The following PHF2 variants were observed in gnomAD, a reference collection of about 807,000 sequenced individuals.
The protein encoded by PHF2 is PHD finger protein 2.
In PHF2, 27 loss-of-function variants were observed where a neutral mutation model predicts 120.5. That is an observed-to-expected ratio of 0.22 (90% CI 0.17 to 0.31). The LOEUF is 0.31. PHF2 is among the 10% of genes least tolerant of loss of function. The probability of loss-of-function intolerance (pLI) is 1.00; values close to 1 mark genes in which losing one functional copy is unlikely to be tolerated. For synonymous variants in PHF2, 568 were observed against 592.5 expected (o/e 0.96, Z 0.60); for missense variants, 1,024 against 1,434.8 (o/e 0.71, Z 4.63).
intron 1 of PHF2, among the ~76,000 whole-genome samples, chr9:93,625,542 G>T (rs12376195): frequency 1.5e-5 from 2 of 136,314 alleles, no homozygotes; most frequent in African/African-American, 5.8e-5. Flanking sequence ...CAGTGGCACA[G>T]TCTCGGCTCA....
intron 1 of PHF2, among the ~76,000 whole-genome samples, chr9:93,628,793 A>G (rs961428249): frequency 2.0e-5 from 3 of 152,150 alleles, no homozygotes; most frequent in Admixed American, 2.0e-4. Context: ...TGTTTGCTGC[A>G]TTCTTCTTGT....
intron 19 of PHF2, 95 bp downstream of exon 19, chr9:93,675,117 C>T: frequency 2.0e-6 from 2 of 975,676 alleles, no homozygotes; most frequent in Non-Finnish European, 3.2e-6. Flanking sequence ...AATGTGGGCT[C>T]AGCTCTGCAC....
At chr9:93,593,770 T>G (rs1421787421) in intron 1 of PHF2, among the ~76,000 whole-genome samples, 1 of 152,230 alleles carries the variant, frequency 6.6e-6, no homozygotes, top group Non-Finnish European at 1.5e-5. Flanking sequence ...GGGATATCTT[T>G]ATGATGATAT....
Position 93,610,083 on chromosome 9 carries a change from G to A in PHF2, c.99-19887G>A, listed in dbSNP as rs1053905220. On this transcript the variant is annotated intron_variant, in intron 1 of 21. Transcript: ENST00000359246. ...TGCCTAGGTGTAGATTTTTTTTTGC[G>A]GGGAGGCTTATATCCTGCTTGGTAT... 7.3e-5 allele frequency among the ~76,000 whole-genome samples: 11 copies of A among 151,464 alleles called. No homozygotes were observed. In the East Asian group the frequency reaches 1.2e-3, roughly 16 times the overall value.
At chr9:93,645,430 G>T (rs938803750) in intron 3 of PHF2, among the ~76,000 whole-genome samples, 199 bp from the exon 4 acceptor site, 5 of 152,226 alleles carry the variant, frequency 3.3e-5, no homozygotes, top group Non-Finnish European at 7.3e-5. Context: ...AAACAGTGGG[G>T]TTCTGGAGTC....
chr9:93,609,554 T>G (rs1476314395), intron 1 of PHF2, among the ~76,000 whole-genome samples: 1 of 132,232 alleles, frequency 7.6e-6, no homozygotes, highest in Non-Finnish European at 1.6e-5. Context: ...TCTAGGTTGG[T>G]TTTTTTTTTT....
chr9:93,603,997 G>A (rs552607931), intron 1 of PHF2, among the ~76,000 whole-genome samples: 6 of 152,220 alleles, frequency 3.9e-5, no homozygotes, highest in Non-Finnish European at 7.3e-5. Flanking sequence ...GTCAGGAGAC[G>A]GCAGTGTGTG....
chr9:93,629,824 A>C, intron 1 of PHF2, 146 bp from the exon 2 acceptor site: 1 of 742,492 alleles, frequency 1.3e-6, no homozygotes. Context: ...CTGCTTTCCT[A>C]GTAGAACACT....
intron 1 of PHF2, among the ~76,000 whole-genome samples, chr9:93,614,829 GAT>G: frequency 7.6e-6 from 1 of 130,824 alleles, no homozygotes; most frequent in South Asian, 3.7e-4. Flanking sequence ...TGGTAATGAC[GAT>G]GGTGGTGATG....
chr9:93,588,654 G>A (rs1260801858), intron 1 of PHF2, among the ~76,000 whole-genome samples: 1 of 152,214 alleles, frequency 6.6e-6, no homozygotes, highest in African/African-American at 2.4e-5. Flanking sequence ...CACTTTGGGA[G>A]GCTGAGGCAG....
At chr9:93,594,277 G>C (rs575881487) in intron 1 of PHF2, among the ~76,000 whole-genome samples, 1 of 152,250 alleles carries the variant, frequency 6.6e-6, no homozygotes, top group African/African-American at 2.4e-5. Flanking sequence ...GGGCCCCTGT[G>C]GGTGGACAGG....
At chr9:93,597,816 A>C (rs932397274) in intron 1 of PHF2, among the ~76,000 whole-genome samples, 4 of 152,154 alleles carry the variant, frequency 2.6e-5, no homozygotes, top group Non-Finnish European at 5.9e-5. Flanking sequence ...AGTGTTGGGA[A>C]GTATCTTATA....
chr9:93,676,863 GGCCCAGGCTGGCCGCACCTCCCA>G lies in PHF2; in HGVS notation c.3108_3130del (p.Gln1036HisfsTer126). The G allele has an allele frequency of 6.4e-7, 1 of 1,568,958 alleles. No homozygotes were observed. ...ACACAGCCGCTGGCACCTTCACCGG[GGCCCAGGCTGGCCGCACCTCCCA>G]GCCCATGGCCCCTGGGGTCTTTCTC... On this transcript the variant is annotated frameshift_variant, in exon 21 of 22. Coordinates refer to ENST00000359246, the MANE Select transcript of PHF2 (RefSeq NM_005392.4). LOFTEE classifies it high-confidence loss of function.
chr9:93,582,669 A>G (rs150063468), intron 1 of PHF2, among the ~76,000 whole-genome samples: 14 of 152,318 alleles, frequency 9.2e-5, no homozygotes, highest in African/African-American at 3.1e-4. Flanking sequence ...GGTCACTCAC[A>G]GAAGAACATA....
intron 17 of PHF2, among the ~76,000 whole-genome samples, chr9:93,668,718 G>C (rs1826726892): frequency 2.0e-5 from 3 of 152,306 alleles, no homozygotes; most frequent in Admixed American, 2.0e-4. Context: ...CAGCCCATCT[G>C]TGGACACACT....
intron 4 of PHF2, 31 bp downstream of exon 4, chr9:93,645,820 G>T (rs371053004): frequency 3.3e-6 from 5 of 1,538,278 alleles, no homozygotes; most frequent in Non-Finnish European, 4.4e-6. Context: ...AGTGCTCTGG[G>T]GCTGGAGCTG....
At chr9:93,595,763 A>T (rs967684860) in intron 1 of PHF2, among the ~76,000 whole-genome samples, 2 of 152,228 alleles carry the variant, frequency 1.3e-5, no homozygotes, top group African/African-American at 4.8e-5. Flanking sequence ...CTCTTGATGG[A>T]ACTTCCCTGA....
In PHF2 at chr9:93,672,969, C is replaced by T. The variant is rs528516818; in HGVS notation, c.2349-616C>T. Among the ~76,000 whole-genome samples, 5 of 151,320 alleles carry T rather than the reference C, an allele frequency of 3.3e-5. No individual in the cohort carries two copies. The South Asian group carries it at 1.0e-3, about 32-fold the overall frequency. ...GCACGTATGGGTATAGGAGTAGGTG[C>T]AGGTGTAGATGCATGTATGGGTGTA... On this transcript the variant is annotated intron_variant, in intron 17 of 21. Transcript: ENST00000359246.
intron 2 of PHF2, among the ~76,000 whole-genome samples, chr9:93,634,233 T>C (rs550298464): frequency 3.9e-5 from 6 of 152,106 alleles, no homozygotes; most frequent in African/African-American, 1.4e-4. Flanking sequence ...TCCCTTGATA[T>C]CCACACCTCC....
Sources: gnomAD v4.1 joint callset for allele counts (sites outside exome capture counted in the v4.1 genomes callset) on GRCh38, gnomAD v4.1.1 for gene constraint, MANE v1.5 for transcripts, NCBI Gene and HGNC (gene_info 2026-07-23, HGNC 2026-07-21) for gene names.